Variants in ABL1 observed in about 807,000 individuals in gnomAD.
The protein encoded by ABL1 is tyrosine-protein kinase ABL1.
A neutral mutation model predicts 94.7 loss-of-function variants in ABL1; 11 were observed. That is an observed-to-expected ratio of 0.12 (90% confidence interval 0.07 to 0.19). ABL1 has a LOEUF of 0.19. Among genes scored for constraint, ABL1 ranks in the 10% least tolerant of loss-of-function variants. The probability of loss-of-function intolerance (pLI) is 1.00; values close to 1 mark genes in which losing one functional copy is unlikely to be tolerated. For missense variants in ABL1, 1,082 were observed against 1,489.4 expected, an observed-to-expected ratio of 0.73 and a Z score of 4.50; for synonymous variants, 656 against 622.4, an observed-to-expected ratio of 1.05 and a Z score of -0.80.
intron 1 of ABL1, among the ~76,000 whole-genome samples, chr9:130,826,734 G>A (rs73656051): frequency 0.036 from 5,450 of 152,206 alleles, 146 homozygotes; most frequent in African/African-American, 0.071. Context: ...ACCCCACAGA[G>A]TCAGATGACC....
rs182918225 is a variant in ABL1, at chr9:130,797,177, G to A, written c.137-56887G>A. Reference sequence around the variant, plus strand: ...CTTGAACCCAGGCGGCAAAGGTTGCGGTGAGCCGAGATCGCGCCACTGCAT... The same window carrying A: ...CTTGAACCCAGGCGGCAAAGGTTGCAGTGAGCCGAGATCGCGCCACTGCAT... On this transcript the variant is annotated intron_variant, in intron 1 of 10. Transcript: ENST00000372348. Among the ~76,000 whole-genome samples, 190 of 144,652 alleles carry A rather than the reference G, an allele frequency of 1.3e-3. 1 individual carries two copies. The highest frequency in any genetic ancestry group is 4.8e-3 in the African/African-American group (182 of 37,806). The allele number at this position is 144,652 out of a possible 152,430, so 94.9% of individuals were successfully genotyped here.
Position 130,775,631 on chromosome 9 carries a change from C to A in ABL1, c.136+61176C>A, listed in dbSNP as rs976755209. 2.6e-5 allele frequency among the ~76,000 whole-genome samples: 4 copies of A among 151,622 alleles called. No homozygotes were observed. The Middle Eastern group carries it at 0.01, about 389-fold the overall frequency. ...GCCTATAAGGAGAGAGAAAAGAAGT[C>A]AATAGAGATAACAGATGAGAGACAA... On this transcript the variant is annotated intron_variant, in intron 1 of 10. Transcript: ENST00000372348.
chr9:130,876,898 G>A (rs771209510), intron 7 of ABL1, among the ~76,000 whole-genome samples: 1 of 146,502 alleles, frequency 6.8e-6, no homozygotes, highest in African/African-American at 2.6e-5. Context: ...CGCCACACTC[G>A]GCCAATTTTT....
intron 1 of ABL1, among the ~76,000 whole-genome samples, chr9:130,766,023 A>G (rs965115529): frequency 6.6e-6 from 1 of 152,222 alleles, no homozygotes; most frequent in Non-Finnish European, 1.5e-5. Context: ...TGAATTCATC[A>G]GACTGTATTT....
chr9:130,737,489 G>A (rs1223228654), intron 1 of ABL1, among the ~76,000 whole-genome samples: 1 of 151,720 alleles, frequency 6.6e-6, no homozygotes, highest in African/African-American at 2.4e-5. Context: ...GGCTGGTCTC[G>A]AACTCCTGAC....
chr9:130,819,532 C>CTTTTTTTT, intron 1 of ABL1, among the ~76,000 whole-genome samples: 1 of 96,282 alleles, frequency 1.0e-5, no homozygotes, highest in Non-Finnish European at 1.9e-5. Context: ...AGAAAAATAC[C>CTTTTTTTT]TTTTTTTTTT....
At chr9:130,845,301 T>C (rs926646395) in intron 1 of ABL1, among the ~76,000 whole-genome samples, 10 of 152,062 alleles carry the variant, frequency 6.6e-5, no homozygotes, top group Non-Finnish European at 1.5e-4. Context: ...AACAAAATTC[T>C]CCATCCTAAC....
At chr9:130,852,850 A>G (rs1421413311) in intron 1 of ABL1, among the ~76,000 whole-genome samples, 1 of 152,206 alleles carries the variant, frequency 6.6e-6, no homozygotes, top group Non-Finnish European at 1.5e-5. Context: ...CTGTAATAAT[A>G]ATTGCCACAA....
intron 1 of ABL1, among the ~76,000 whole-genome samples, chr9:130,837,284 C>T (rs758309941): frequency 1.6e-4 from 24 of 152,194 alleles, no homozygotes; most frequent in Non-Finnish European, 2.9e-4. Flanking sequence ...AGCACATTCT[C>T]ATTTACATCT....
At chr9:130,844,157 A>T (rs1457266913) in intron 1 of ABL1, among the ~76,000 whole-genome samples, 2 of 152,122 alleles carry the variant, frequency 1.3e-5, no homozygotes, top group Non-Finnish European at 2.9e-5. Context: ...TCTCTAAGGG[A>T]TTTGAAGCAA....
chr9:130,817,159 AG>A (rs896101775), intron 1 of ABL1, among the ~76,000 whole-genome samples: 1 of 152,260 alleles, frequency 6.6e-6, no homozygotes, highest in Non-Finnish European at 1.5e-5. Context: ...ATCTGTAAAA[AG>A]TAAAGTAGAG....
intron 1 of ABL1, among the ~76,000 whole-genome samples, chr9:130,810,984 A>C (rs1396395541): frequency 6.6e-5 from 10 of 152,248 alleles, no homozygotes; most frequent in African/African-American, 2.4e-4. Flanking sequence ...AATGTAAGCC[A>C]GGTTAACAGT....
rs1036690178 is a variant in ABL1 at position 130,814,265 on chromosome 9, G to A, written c.137-39799G>A. Among the ~76,000 whole-genome samples, 1 of 149,588 alleles carries A rather than the reference G, an allele frequency of 6.7e-6. No homozygotes were observed. The highest frequency in any genetic ancestry group is 2.5e-5 in the African/African-American group (1 of 40,140). ...TCGCGCCATTGCACTCCACCCTAGC[G>A]ACAGAACGAGACTCCGTCTCAAAAA... On this transcript the variant is annotated intron_variant, in intron 1 of 10. Transcript: ENST00000372348. This position sits in a 1 kb window ranked among gnomAD's most constrained non-coding sequence, Gnocchi z 4.4.
chr9:130,835,716 GTGTC>G lies in ABL1; in HGVS notation c.79+197_79+200del, dbSNP rs1830566446. Among the ~76,000 whole-genome samples, 1 of 151,358 alleles carries G rather than the reference GTGTC, an allele frequency of 6.6e-6. No homozygotes were observed. Among genetic ancestry groups the G allele is most frequent in the Non-Finnish European group, 1.5e-5 (1 of 67,884 alleles). On this transcript the variant is annotated intron_variant, in intron 1 of 10. Transcript: ENST00000318560. This position sits in a 1 kb window ranked among gnomAD's most constrained non-coding sequence, Gnocchi z 4.6. Reference sequence around the variant, plus strand: ...ATTCTGTCTCTCTTTCTTTCTCTCTGTGTCTGTCTCTTTTCTCTTCTCTTGTCTC... The same window carrying G: ...ATTCTGTCTCTCTTTCTTTCTCTCTGTGTCTCTTTTCTCTTCTCTTGTCTC...
rs34579847 is a variant in ABL1, at chr9:130,727,234, G to GTTTT, written c.136+12789_136+12792dup. Among the ~76,000 whole-genome samples the GTTTT allele has an allele frequency of 6.9e-4, 98 of 141,822 alleles. 1 individual carries two copies. Among genetic ancestry groups the GTTTT allele is most frequent in the Admixed American group, 1.7e-3 (24 of 14,082 alleles). 93.0% of individuals were successfully genotyped at this position (141,822 alleles called of 152,430 possible). A position where few individuals can be genotyped will look rare whatever the true frequency, so the allele number is the denominator to read the frequency against. ...TTACTTCATCTATAGCTTTGCTGAGGTTTTTTTTTTTTTGTAGAGACAAGG... is the reference window on the plus strand; with the variant it reads ...TTACTTCATCTATAGCTTTGCTGAGGTTTTTTTTTTTTTTTTTGTAGAGACAAGG... On this transcript the variant is annotated intron_variant, in intron 1 of 10. Coordinates refer to the ABL1 transcript ENST00000372348.
At chr9:130,878,823 T>C (rs1243818362) in intron 8 of ABL1, among the ~76,000 whole-genome samples, 2 of 151,960 alleles carry the variant, frequency 1.3e-5, no homozygotes, top group East Asian at 3.9e-4. Flanking sequence ...TACAGATTCC[T>C]GGGCCCTGCT....
rs146448403 is a variant in ABL1 at position 130,882,660 on chromosome 9, G to A, written c.1679-1309G>A. Among the ~76,000 whole-genome samples, 366 of 152,082 alleles carry A rather than the reference G, an allele frequency of 2.4e-3. 2 individuals carry two copies. The highest frequency in any genetic ancestry group is 8.0e-3 in the African/African-American group (332 of 41,486). Reference sequence around the variant, plus strand: ...AGCGATTCTCCTGCCTCATCCTCCTGAGTAGCTGGGACTACAGGCGTGTGC... The same window carrying A: ...AGCGATTCTCCTGCCTCATCCTCCTAAGTAGCTGGGACTACAGGCGTGTGC... On this transcript the variant is annotated intron_variant, in intron 10 of 10. Transcript: ENST00000318560.
chr9:130,753,422 CTTTTTT>C (rs71389347), intron 1 of ABL1, among the ~76,000 whole-genome samples: 1 of 90,330 alleles, frequency 1.1e-5, no homozygotes, highest in Admixed American at 1.3e-4. Context: ...TTTTTCTTTT[CTTTTTT>C]TTTTTTTTTT....
chr9:130,845,840 A>G (rs894685472), intron 1 of ABL1, among the ~76,000 whole-genome samples: 3 of 151,340 alleles, frequency 2.0e-5, no homozygotes, highest in Non-Finnish European at 4.4e-5. Flanking sequence ...AACCCGGGCA[A>G]CAAGAGCAAA....
Sources: allele counts gnomAD v4.1 joint callset (sites outside exome capture counted in the v4.1 genomes callset), GRCh38; gene constraint gnomAD v4.1.1; non-coding constraint Gnocchi (gnomAD v3.1); transcripts MANE v1.5; gene names NCBI Gene and HGNC (gene_info 2026-07-23, HGNC 2026-07-21).